HRH3: variants seen among roughly 807,000 people sequenced by gnomAD.
HRH3 encodes histamine H3 receptor.
Under a neutral mutation model 21.6 loss-of-function variants are expected in HRH3, and 13 were observed. That is an observed-to-expected ratio of 0.60 (90% CI 0.39 to 0.96). The LOEUF (loss-of-function observed/expected upper bound fraction) is 0.96. Among genes scored for constraint, HRH3 ranks in the 40% least tolerant of loss-of-function variants. The pLI is 0.00. For missense variants in HRH3, 461 were observed against 622.7 expected (o/e 0.74, Z 2.76); for synonymous variants, 276 against 290.3 (o/e 0.95, Z 0.50).
In HRH3 at chr20:62,216,108, G is replaced by T; in HGVS notation, c.1236C>A (p.Tyr412Ter). Residue 412 changes from tyrosine (Y) to a stop codon, truncating the protein, a stop_gained, in exon 3 of 3, where the codon TAC becomes TAA. Coordinates refer to ENST00000340177, the MANE Select transcript of HRH3 (RefSeq NM_007232.3). LOFTEE classifies it high-confidence loss of function. ...GGCGGAAGCTGTGGTGGCACAGAGG[G>T]TAGAGGACAGGGTTGACAGCCGAGT... ...WANSAVNPVL[Y>*]PLCHHSFRRA... 1 of 1,612,800 alleles carries T rather than the reference G, an allele frequency of 6.2e-7. No homozygotes were observed. Among genetic ancestry groups the T allele is most frequent in the Non-Finnish European group, 8.5e-7 (1 of 1,179,814 alleles).
rs1362629590 is a variant in HRH3, at chr20:62,215,582, CGGTGTGCAGG to C, written c.*414_*423del. The stretch of plus-strand genomic sequence containing the variant: ...TCCTGGGCTTGTCCGGGGAGAGGGA[CGGTGTGCAGG>C]TGTGTGCAGGGGTGTGCAGGTGTGT... On this transcript the variant is annotated 3_prime_UTR_variant, in exon 3 of 3. Transcript: ENST00000340177. 2 of 418,420 alleles carry C rather than the reference CGGTGTGCAGG, an allele frequency of 4.8e-6. No homozygotes were observed. Among genetic ancestry groups the C allele is most frequent in the Non-Finnish European group, 9.6e-6 (2 of 209,272 alleles). The allele number at this position is 418,420 out of a possible 1,614,324, so 25.9% of individuals were successfully genotyped here.
rs1978522296 is a variant in HRH3, at chr20:62,215,976, G to A, written c.*30C>T. ...GCCCAGGAGACCTGGGCTGAGAGAG[G>A]CGTGGCTGAGGGAGGCTCTGGTGGG... is the stretch of plus-strand genomic sequence containing the variant. On this transcript the variant is annotated 3_prime_UTR_variant, in exon 3 of 3. Transcript: ENST00000340177. 1 of 1,532,212 alleles carries A rather than the reference G, an allele frequency of 6.5e-7. No homozygotes were observed. Among genetic ancestry groups the A allele is most frequent in the Non-Finnish European group, 8.8e-7 (1 of 1,136,076 alleles). The allele number at this position is 1,532,212 out of a possible 1,614,324, so 94.9% of individuals were successfully genotyped here.
rs1978723716 is a variant in HRH3 at position 62,219,559 on chromosome 20, C to T, written c.250+162G>A. Among the ~76,000 whole-genome samples, 1 of 152,102 alleles carries T rather than the reference C, an allele frequency of 6.6e-6. No homozygotes were observed. Among genetic ancestry groups the T allele is most frequent in the Admixed American group, 6.5e-5 (1 of 15,288 alleles). On this transcript the variant is annotated intron_variant, in intron 1 of 2. Transcript: ENST00000340177. The surrounding 1 kb of genome is among the most constrained non-coding windows in gnomAD (Gnocchi z 8.7). ...AGGCCTGAGTGGCAAGGAACTTCGC[C>T]TGTGCCCCCCACCCCATGGGCTCCG...
At position 62,218,894 on chromosome 20, in the gene HRH3, A is replaced by T. The variant is rs940284555; in HGVS notation, c.251-237T>A. On this transcript the variant is annotated intron_variant, in intron 1 of 2. Transcript: ENST00000340177. The surrounding 1 kb of genome is among the most constrained non-coding windows in gnomAD (Gnocchi z 5.6). ...TCCCCTGGGCCTGGGGGCAGGAGGGATGATCCAGGCATGGGGAACTCTGGC... is the reference window on the plus strand; with the variant it reads ...TCCCCTGGGCCTGGGGGCAGGAGGGTTGATCCAGGCATGGGGAACTCTGGC... Among the ~76,000 whole-genome samples, 3 of 150,314 alleles carry T rather than the reference A, an allele frequency of 2.0e-5. No homozygotes were observed. The highest frequency in any genetic ancestry group is 4.4e-5 in the Non-Finnish European group (3 of 67,546).
At position 62,218,368 on chromosome 20, in the gene HRH3, G is replaced by T; in HGVS notation, c.417+123C>A. 8.8e-7 allele frequency: 1 copy of T among 1,136,222 alleles called. No homozygotes were observed. The highest frequency in any genetic ancestry group is 1.2e-6 in the Non-Finnish European group (1 of 812,410). The allele number at this position is 1,136,222 out of a possible 1,614,324, so 70.4% of individuals were successfully genotyped here. A position where few individuals can be genotyped will look rare whatever the true frequency, so the allele number is the denominator to read the frequency against. On this transcript the variant is annotated intron_variant, in intron 2 of 2. Coordinates refer to ENST00000340177, the MANE Select transcript of HRH3 (RefSeq NM_007232.3). The surrounding 1 kb of genome is among the most constrained non-coding windows in gnomAD (Gnocchi z 5.6). ...GAGTGGCCCATGTGTCAGCAGCAAAGCCAGTGGGACCAAGCCCACTTCTGC... is the reference window on the plus strand; with the variant it reads ...GAGTGGCCCATGTGTCAGCAGCAAATCCAGTGGGACCAAGCCCACTTCTGC...
In HRH3 at chr20:62,216,031, C is replaced by T. The variant is rs538136348; in HGVS notation, c.1313G>A (p.Ser438Asn). Reference protein sequence around the residue: ...CPQKLKIQPHSSLEHCWK With the variant: ...CPQKLKIQPHNSLEHCWK ...TCACTTCCAGCAGTGCTCCAGGGAGCTGTGGGGCTGGATTTTGAGCTTCTG... is the reference window on the plus strand; with the variant it reads ...TCACTTCCAGCAGTGCTCCAGGGAGTTGTGGGGCTGGATTTTGAGCTTCTG... Residue 438 changes from serine to asparagine, a missense_variant, in exon 3 of 3, where the codon AGC becomes AAC. Coordinates refer to ENST00000340177, the MANE Select transcript of HRH3 (RefSeq NM_007232.3). The T allele has an allele frequency of 1.9e-6, 3 of 1,587,488 alleles. No individual in the cohort carries two copies. The highest frequency in any genetic ancestry group is 1.7e-6 in the Non-Finnish European group (2 of 1,167,572).
At position 62,216,202 on chromosome 20, in the gene HRH3, C is replaced by A; in HGVS notation, c.1142G>T (p.Arg381Leu). ...WAPYTLLMII[R>L]AACHGHCVPD... Reference sequence around the variant, plus strand: ...GACGCAGTGGCCATGGCAGGCGGCCCGGATGATCATCAGCAGCGTGTATGG... The same window carrying A: ...GACGCAGTGGCCATGGCAGGCGGCCAGGATGATCATCAGCAGCGTGTATGG... The change falls in exon 3 of 3, where the codon CGG (arginine) becomes CTG (leucine). Residue 381 changes from arginine (R) to leucine (L), a missense_variant. Around this residue, in one of 6 missense-constraint regions of HRH3, gnomAD observed 102 missense variants for 166.6 expected, o/e 0.61. Coordinates refer to ENST00000340177, the MANE Select transcript of HRH3 (RefSeq NM_007232.3). 1 of 1,613,100 alleles carries A rather than the reference C, an allele frequency of 6.2e-7. No individual in the cohort carries two copies. Among genetic ancestry groups the A allele is most frequent in the Non-Finnish European group, 8.5e-7 (1 of 1,179,992 alleles).
rs910539235 is a variant in HRH3 at position 62,216,072 on chromosome 20, G to C, written c.1272C>G (p.Thr424=). Residue 424 remains threonine (T), a synonymous_variant, in exon 3 of 3, where the codon ACC becomes ACG. Coordinates refer to ENST00000340177, the MANE Select transcript of HRH3 (RefSeq NM_007232.3). ...LCHHSFRRAF[T]KLLCPQKLKI... ...TGAGCTTCTGGGGGCAGAGCAGCTT[G>C]GTGAAGGCCCGGCGGAAGCTGTGGT... 1 of 1,608,460 alleles carries C rather than the reference G, an allele frequency of 6.2e-7. No homozygotes were observed.
chr20:62,218,799 C>G lies in HRH3; in HGVS notation c.251-142G>C, dbSNP rs1187940876. 6.5e-6 allele frequency: 5 copies of G among 766,716 alleles called. No individual in the cohort carries two copies. In the Admixed American group the frequency reaches 1.1e-4, roughly 16 times the overall value. 47.5% of individuals were successfully genotyped at this position (766,716 alleles called of 1,614,324 possible). A position where few individuals can be genotyped will look rare whatever the true frequency, so the allele number is the denominator to read the frequency against. On this transcript the variant is annotated intron_variant, in intron 1 of 2. Coordinates refer to ENST00000340177, the MANE Select transcript of HRH3 (RefSeq NM_007232.3). This position sits in a 1 kb window ranked among gnomAD's most constrained non-coding sequence, Gnocchi z 5.6. ...CCATCCTCATCTTACCACCCCTCCA[C>G]CTGGTGTCAGCCACAAACTCTGCCC...
chr20:62,218,439 C>A lies in HRH3; in HGVS notation c.417+52G>T. The A allele has an allele frequency of 6.3e-7, 1 of 1,577,692 alleles. No homozygotes were observed. ...TCCCCACCCAGGTGCCTCCCATGGGCGTCCCGACTGTCCCTGCGGAGTGAA... is the reference window on the plus strand; with the variant it reads ...TCCCCACCCAGGTGCCTCCCATGGGAGTCCCGACTGTCCCTGCGGAGTGAA... On this transcript the variant is annotated intron_variant, in intron 2 of 2. Coordinates refer to ENST00000340177, the MANE Select transcript of HRH3 (RefSeq NM_007232.3). The surrounding 1 kb of genome is among the most constrained non-coding windows in gnomAD (Gnocchi z 5.6).
Position 62,219,877 on chromosome 20 carries a change from CT to C in HRH3, c.93del (p.Ala32ProfsTer65). On this transcript the variant is annotated frameshift_variant, in exon 1 of 3. Transcript: ENST00000340177. LOFTEE classifies it high-confidence loss of function. The surrounding 1 kb of genome is among the most constrained non-coding windows in gnomAD (Gnocchi z 8.7). ...AAAGGARGFS[A>X]AWTAVLAALM... is the part of the protein sequence containing the mutation. ...AGCGCGGCCAGCACCGCGGTCCAGG[CT>C]GCCGAGAAGCCGCGCGCCCCGCCCG... 6.7e-7 allele frequency: 1 copy of C among 1,484,820 alleles called. No individual in the cohort carries two copies. Among genetic ancestry groups the C allele is most frequent in the Non-Finnish European group, 8.9e-7 (1 of 1,120,454 alleles). 92.0% of individuals were successfully genotyped at this position (1,484,820 alleles called of 1,614,324 possible). A position where few individuals can be genotyped will look rare whatever the true frequency, so the allele number is the denominator to read the frequency against.
Position 62,216,551 on chromosome 20 carries a change from C to G in HRH3, c.793G>C (p.Gly265Arg). 6.2e-7 allele frequency: 1 copy of G among 1,604,506 alleles called. No homozygotes were observed. Among genetic ancestry groups the G allele is most frequent in the Non-Finnish European group, 8.5e-7 (1 of 1,176,040 alleles). Residue 265 changes from glycine to arginine, a missense_variant, in exon 3 of 3, where the codon GGG becomes CGG. Gly to Arg is a moderately radical substitution (Grantham distance 125). Coordinates refer to ENST00000340177, the MANE Select transcript of HRH3 (RefSeq NM_007232.3). Reference protein sequence around the residue: ...PPGCWGCWQKGHGEAMPLHRY... With the variant: ...PPGCWGCWQKRHGEAMPLHRY... ...TGCAGCGGCATGGCCTCCCCGTGCCCCTTCTGCCAGCAGCCCCAGCAGCCA... is the reference window on the plus strand; with the variant it reads ...TGCAGCGGCATGGCCTCCCCGTGCCGCTTCTGCCAGCAGCCCCAGCAGCCA...
chr20:62,220,112 G>T lies in HRH3; in HGVS notation c.-142C>A. The T allele has an allele frequency of 1.4e-6, 1 of 695,376 alleles. No individual in the cohort carries two copies. The highest frequency in any genetic ancestry group is 1.8e-6 in the Non-Finnish European group (1 of 566,034). The allele number at this position is 695,376 out of a possible 1,614,324, so 43.1% of individuals were successfully genotyped here. On this transcript the variant is annotated 5_prime_UTR_variant, in exon 1 of 3. Coordinates refer to ENST00000340177, the MANE Select transcript of HRH3 (RefSeq NM_007232.3). ...GTTCCCCTGGGGGCGCCCAGCGCAT[G>T]GTCCGCGGGGCCGGGGCCGGGGCCA...
rs1415625817 is a variant in HRH3, at chr20:62,216,908, G to C, written c.436C>G (p.Gln146Glu). 3 of 1,604,982 alleles carry C rather than the reference G, an allele frequency of 1.9e-6. No individual in the cohort carries two copies. Among genetic ancestry groups the C allele is most frequent in the Non-Finnish European group, 8.5e-7 (1 of 1,174,888 alleles). ...VTRAVSYRAQ[Q>E]GDTRRAVRKM... ...CGCACTGCCCGCCGCGTGTCACCCT[G>C]CTGGGCCCGGTATGAGACCTGCAGA... The change falls in exon 3 of 3, where the codon CAG (glutamine) becomes GAG (glutamate). Residue 146 changes from glutamine to glutamate, a missense_variant. Physicochemically the swap from Gln to Glu is conservative, Grantham distance 29. Around this residue, in one of 6 missense-constraint regions of HRH3, gnomAD observed 74 missense variants for 86.6 expected, o/e 0.85. Coordinates refer to ENST00000340177, the MANE Select transcript of HRH3 (RefSeq NM_007232.3).
In HRH3 at chr20:62,216,058, G is replaced by A; in HGVS notation, c.1286C>T (p.Pro429Leu). 1 of 1,604,232 alleles carries A rather than the reference G, an allele frequency of 6.2e-7. No homozygotes were observed. The highest frequency in any genetic ancestry group is 8.5e-7 in the Non-Finnish European group (1 of 1,176,090). Reference protein sequence around the residue: ...FRRAFTKLLCPQKLKIQPHSS... With the variant: ...FRRAFTKLLCLQKLKIQPHSS... ...GTGGGGCTGGATTTTGAGCTTCTGG[G>A]GGCAGAGCAGCTTGGTGAAGGCCCG... Residue 429 changes from proline (P) to leucine (L), a missense_variant, in exon 3 of 3, where the codon CCC becomes CTC. By Grantham distance (98) the Pro-to-Leu change is moderately conservative. Around this residue, in one of 6 missense-constraint regions of HRH3, gnomAD observed 102 missense variants for 166.6 expected, o/e 0.61. Coordinates refer to ENST00000340177, the MANE Select transcript of HRH3 (RefSeq NM_007232.3).
rs939172362 is a variant in HRH3, at chr20:62,215,494, G to A, written c.*512C>T. 1 of 457,292 alleles carries A rather than the reference G, an allele frequency of 2.2e-6. No individual in the cohort carries two copies. The highest frequency in any genetic ancestry group is 1.5e-5 in the South Asian group (1 of 64,572). The allele number at this position is 457,292 out of a possible 1,614,324, so 28.3% of individuals were successfully genotyped here. A position where few individuals can be genotyped will look rare whatever the true frequency, so the allele number is the denominator to read the frequency against. The stretch of plus-strand genomic sequence containing the variant: ...TTTTGGGGGCAGAGAGAGTTGGTGG[G>A]AAGAGGGGTGAAAGGGCCAGGCCTG... On this transcript the variant is annotated 3_prime_UTR_variant, in exon 3 of 3. Transcript: ENST00000340177.
Position 62,215,896 on chromosome 20 carries a change from A to G in HRH3, c.*110T>C. On this transcript the variant is annotated 3_prime_UTR_variant, in exon 3 of 3. Coordinates refer to ENST00000340177, the MANE Select transcript of HRH3 (RefSeq NM_007232.3). ...GTGGCATTAAGAGAGGGCCACAGAC[A>G]CGGCGGGGCTCACCCCTGGGGGAAC... 2 of 1,086,476 alleles carry G rather than the reference A, an allele frequency of 1.8e-6. No homozygotes were observed. Among genetic ancestry groups the G allele is most frequent in the Non-Finnish European group, 2.6e-6 (2 of 779,672 alleles). The allele number at this position is 1,086,476 out of a possible 1,614,324, so 67.3% of individuals were successfully genotyped here. A position where few individuals can be genotyped will look rare whatever the true frequency, so the allele number is the denominator to read the frequency against.
chr20:62,215,476 G>A lies in HRH3; in HGVS notation c.*530C>T. The A allele has an allele frequency of 2.2e-6, 1 of 457,432 alleles. No individual in the cohort carries two copies. Among genetic ancestry groups the A allele is most frequent in the Non-Finnish European group, 4.4e-6 (1 of 227,548 alleles). The allele number at this position is 457,432 out of a possible 1,614,324, so 28.3% of individuals were successfully genotyped here. A position where few individuals can be genotyped will look rare whatever the true frequency, so the allele number is the denominator to read the frequency against. On this transcript the variant is annotated 3_prime_UTR_variant, in exon 3 of 3. Transcript: ENST00000340177. The stretch of plus-strand genomic sequence containing the variant: ...CCTAGGGCCCCTTGACACTTTTGGG[G>A]GCAGAGAGAGTTGGTGGGAAGAGGG...
chr20:62,216,672 G>A lies in HRH3; in HGVS notation c.672C>T (p.Asn224=), dbSNP rs772616087. 1.2e-6 allele frequency: 2 copies of A among 1,612,972 alleles called. No individual in the cohort carries two copies. The highest frequency in any genetic ancestry group is 1.1e-5 in the South Asian group (1 of 91,086). ...GCCGGAGGCGGGTGCGCCTCTGGAT[G>A]TTCAGGTAGATGCTGAGGTTAAAGA... The part of the protein sequence containing the change: ...VTFFNLSIYL[N]IQRRTRLRLD... Residue 224 remains asparagine, a synonymous_variant, in exon 3 of 3, where the codon AAC becomes AAT. Coordinates refer to ENST00000340177, the MANE Select transcript of HRH3 (RefSeq NM_007232.3).
Sources: allele counts gnomAD v4.1 joint callset (sites outside exome capture counted in the v4.1 genomes callset), GRCh38; gene constraint gnomAD v4.1.1; regional missense constraint gnomAD v4.1.1; non-coding constraint Gnocchi (gnomAD v3.1); transcripts MANE v1.5; gene names NCBI Gene and HGNC (gene_info 2026-07-23, HGNC 2026-07-21).